Variants in FAM131C observed in about 807,000 individuals in gnomAD.
FAM131C encodes protein FAM131C.
FAM131C carries 14 observed loss-of-function variants against 29.8 expected under a neutral mutation model. That is an observed-to-expected ratio of 0.47 (90% CI 0.31 to 0.73). The LOEUF (loss-of-function observed/expected upper bound fraction) is 0.73. Among genes scored for constraint, FAM131C ranks in the 30% least tolerant of loss-of-function variants. The pLI, the probability that FAM131C is intolerant of heterozygous loss-of-function variation, is 0.05. For synonymous variants in FAM131C, 86 were observed against 157.8 expected (o/e 0.54, Z 3.41); for missense variants, 252 against 383.8 (o/e 0.66, Z 2.87).
chr1:16,068,552 C>T (rs1034249043), intron 1 of FAM131C, among the ~76,000 whole-genome samples: 2 of 152,244 alleles, frequency 1.3e-5, no homozygotes, highest in African/African-American at 4.8e-5. Context: ...TGTTGAGTCA[C>T]TGCCAGGGGA....
chr1:16,073,182 G>A (rs2023775019), intron 1 of FAM131C, among the ~76,000 whole-genome samples: 1 of 152,144 alleles, frequency 6.6e-6, no homozygotes, highest in African/African-American at 2.4e-5. Context: ...CCTGCTTCGT[G>A]TCACCTGCGG....
intron 1 of FAM131C, among the ~76,000 whole-genome samples, 195 bp from the exon 2 acceptor site, chr1:16,063,831 T>C (rs1265430088): frequency 6.7e-6 from 1 of 150,138 alleles, no homozygotes; most frequent in Admixed American, 6.6e-5. Context: ...CAGCGGGAAT[T>C]ACTGGCCTCA....
intron 4 of FAM131C, among the ~76,000 whole-genome samples, chr1:16,061,896 T>C (rs1357238523): frequency 6.6e-6 from 1 of 150,752 alleles, no homozygotes; most frequent in African/African-American, 2.4e-5. Flanking sequence ...AACCCAGCAG[T>C]TTAACCTGTG....
chr1:16,061,148 G>A (rs1372661524), intron 4 of FAM131C, among the ~76,000 whole-genome samples: 1 of 152,180 alleles, frequency 6.6e-6, no homozygotes, highest in African/African-American at 2.4e-5. Context: ...AGAGAGTGGG[G>A]AAAATGGGAA....
At chr1:16,063,414 G>T (rs988490321) in intron 2 of FAM131C, 107 bp downstream of exon 2, 6 of 875,070 alleles carry the variant, frequency 6.9e-6, no homozygotes, top group Non-Finnish European at 1.1e-5. Flanking sequence ...GGAGAAGCGG[G>T]TTTGGCAGGG....
chr1:16,059,481 C>A lies in FAM131C; in HGVS notation c.562+13G>T, dbSNP rs375296208. 201 of 1,611,844 alleles carry A rather than the reference C, an allele frequency of 1.2e-4. No individual in the cohort carries two copies. Among genetic ancestry groups the A allele is most frequent in the Non-Finnish European group, 1.6e-4 (189 of 1,179,032 alleles). ...TCTGCCCACCCCCGCCCCCTGGACC[C>A]TCTGGGCTGTACCTTGGAGCTGGAC... On this transcript the variant is annotated intron_variant, in intron 6 of 6. Transcript: ENST00000375662.
intron 5 of FAM131C, 96 bp downstream of exon 5, chr1:16,059,773 T>C: frequency 7.9e-7 from 1 of 1,261,820 alleles, no homozygotes; most frequent in Non-Finnish European, 1.1e-6. Context: ...ATGCCATTAT[T>C]TTTTCCTGCC....
At chr1:16,059,701 T>C (rs572643098) in intron 5 of FAM131C, 97 bp from the exon 6 acceptor site, 751 of 785,558 alleles carry the variant, frequency 9.6e-4, no homozygotes, top group Non-Finnish European at 1.1e-3. Context: ...GGTGGCCACC[T>C]CTCTGGGCTG....
chr1:16,063,588 T>G lies in FAM131C; in HGVS notation c.71A>C (p.Asp24Ala). ...CGAGGGCAGATCTGGGTTCAAGGGGTCCGCACCCTGGGGCATGGGGCAGTT... is the reference window on the plus strand; with the variant it reads ...CGAGGGCAGATCTGGGTTCAAGGGGGCCGCACCCTGGGGCATGGGGCAGTT... ...HKNCPMPQGA[D>A]PLNPDLPSGR... Residue 24 changes from aspartate to alanine, a missense_variant, in exon 2 of 7, where the codon GAC becomes GCC. Asp to Ala is a moderately radical substitution (Grantham distance 126, BLOSUM62 -2). Transcript: ENST00000375662. 6.2e-7 allele frequency: 1 copy of G among 1,613,474 alleles called. No homozygotes were observed. Among genetic ancestry groups the G allele is most frequent in the Non-Finnish European group, 8.5e-7 (1 of 1,179,738 alleles).
chr1:16,064,916 C>T (rs1180984616), intron 1 of FAM131C, among the ~76,000 whole-genome samples: 1 of 152,214 alleles, frequency 6.6e-6, no homozygotes, highest in Non-Finnish European at 1.5e-5. Flanking sequence ...TCTTGAGCCT[C>T]GCTCTTATCC....
At chr1:16,063,742 CA>C (rs1453708492) in intron 1 of FAM131C, 106 bp from the exon 2 acceptor site, 1 of 683,708 alleles carries the variant, frequency 1.5e-6, no homozygotes, top group Non-Finnish European at 2.4e-6. Context: ...TGTTTTTATC[CA>C]ACAACATCGT....
intron 4 of FAM131C, among the ~76,000 whole-genome samples, chr1:16,061,750 C>T (rs1410608281): frequency 2.0e-5 from 3 of 151,944 alleles, no homozygotes; most frequent in Non-Finnish European, 4.4e-5. Context: ...CAGGGAATCA[C>T]CTGCACAGTC....
chr1:16,060,689 G>T (rs1443293639), intron 4 of FAM131C, among the ~76,000 whole-genome samples: 1 of 152,196 alleles, frequency 6.6e-6, no homozygotes, highest in Non-Finnish European at 1.5e-5. Context: ...TCTGGCGTGA[G>T]TCCAGGATTA....
intron 6 of FAM131C, 109 bp downstream of exon 6, chr1:16,059,385 G>A (rs2023553231): frequency 2.0e-6 from 3 of 1,470,424 alleles, no homozygotes; most frequent in South Asian, 1.3e-5. Flanking sequence ...AACTTAGGCT[G>A]AGAAAAGGAA....
At position 16,067,587 on chromosome 1, in the gene FAM131C, G is replaced by A. The variant is rs150336262; in HGVS notation, c.23-3951C>T. Among the ~76,000 whole-genome samples, 515 of 152,248 alleles carry A rather than the reference G, an allele frequency of 3.4e-3. 9 individuals are homozygous for A. Among genetic ancestry groups the A allele is most frequent in the African/African-American group, 0.012 (501 of 41,528 alleles). On this transcript the variant is annotated intron_variant, in intron 1 of 6. Transcript: ENST00000375662. The stretch of plus-strand genomic sequence containing the variant: ...GGGCCATCTTGATTCTTCAAGGAGA[G>A]GGTGTCAACCAGATGTCTCCTCCAT...
intron 4 of FAM131C, among the ~76,000 whole-genome samples, chr1:16,061,702 C>T (rs1017947672): frequency 3.9e-5 from 6 of 152,060 alleles, no homozygotes; most frequent in Non-Finnish European, 8.8e-5. Flanking sequence ...CCCTCTGCCT[C>T]CCCCGCTGCC....
Position 16,063,527 on chromosome 1 carries a change from A to G in FAM131C, c.132T>C (p.Ile44=). 6.2e-7 allele frequency: 1 copy of G among 1,613,152 alleles called. No individual in the cohort carries two copies. Among genetic ancestry groups the G allele is most frequent in the Non-Finnish European group, 8.5e-7 (1 of 1,179,222 alleles). The change falls in exon 2 of 7, where the codon ATT becomes ATC. Residue 44 remains isoleucine, a synonymous_variant. Transcript: ENST00000375662. ...ATGAGGAGCAGCCAGTTACCTTGCC[A>G]ATGACACAGTCTGGAGCCACGGTGG... is the stretch of plus-strand genomic sequence containing the variant. The part of the protein sequence containing the change: ...RTPTVAPDCV[I]GKDKQMDFCW...
At chr1:16,065,385 C>T (rs1295901128) in intron 1 of FAM131C, among the ~76,000 whole-genome samples, 2 of 152,244 alleles carry the variant, frequency 1.3e-5, no homozygotes, top group East Asian at 1.9e-4. Flanking sequence ...CATCCTCCCT[C>T]CCTGGAAGAC....
chr1:16,062,385 C>CCCG (rs1455484982), intron 3 of FAM131C, 114 bp downstream of exon 3: 73 of 1,143,358 alleles, frequency 6.4e-5, no homozygotes, highest in Non-Finnish European at 7.8e-5. Flanking sequence ...ATCAGGCCCC[C>CCCG]CCCCCCCCCG....
Sources: allele counts gnomAD v4.1 joint callset (sites outside exome capture counted in the v4.1 genomes callset), GRCh38; gene constraint gnomAD v4.1.1; transcripts MANE v1.5; gene names NCBI Gene and HGNC (gene_info 2026-07-23, HGNC 2026-07-21).